The following SCEL variants were observed in gnomAD, a reference collection of about 807,000 sequenced individuals.
The protein encoded by SCEL is sciellin.
In SCEL, 113 loss-of-function variants were observed where a neutral mutation model predicts 117.6. That is an observed-to-expected ratio of 0.96 (90% CI 0.83 to 1.12). SCEL has a LOEUF of 1.12. Among genes scored for constraint, SCEL ranks in the 50% most tolerant of loss-of-function variants. SCEL has a pLI of 0.00. For missense variants in SCEL, 785 were observed against 810.8 expected (o/e 0.97, Z 0.39); for synonymous variants, 270 against 256.2 (o/e 1.05, Z -0.51).
rs1276604267 is a variant in SCEL at position 77,602,699 on chromosome 13, T to C, written c.1023T>C (p.Asn341=). The C allele has an allele frequency of 6.2e-7, 1 of 1,613,682 alleles. No homozygotes were observed. The highest frequency in any genetic ancestry group is 2.2e-5 in the East Asian group (1 of 44,830). ...ESVAKVNARM[N]KTSRRSEDLD... Reference sequence around the variant, plus strand: ...TTGCTAAAGTGAATGCCAGGATGAATAAAACGAGCAGAAGGTGAGAACTGA... The same window carrying C: ...TTGCTAAAGTGAATGCCAGGATGAACAAAACGAGCAGAAGGTGAGAACTGA... Residue 341 remains asparagine (N), a synonymous_variant, in exon 17 of 33, where the codon AAT becomes AAC. Coordinates refer to ENST00000349847, the MANE Select transcript of SCEL (RefSeq NM_144777.3).
chr13:77,627,191 T>G (rs2089783425), intron 27 of SCEL, among the ~76,000 whole-genome samples: 1 of 152,150 alleles, frequency 6.6e-6, no homozygotes, highest in South Asian at 2.1e-4. Context: ...TGATTTCAGG[T>G]GGGCAGATGG....
At chr13:77,579,003 A>T (rs1196194918) in intron 9 of SCEL, among the ~76,000 whole-genome samples, 1 of 152,158 alleles carries the variant, frequency 6.6e-6, no homozygotes, top group Non-Finnish European at 1.5e-5. Context: ...ACTTTGATGT[A>T]TGTCTGTACA....
chr13:77,593,408 C>A, intron 11 of SCEL, 106 bp from the exon 12 acceptor site: 1 of 770,360 alleles, frequency 1.3e-6, no homozygotes, highest in Non-Finnish European at 2.2e-6. Context: ...TTCCTGAACA[C>A]CACCTAGACT....
At chr13:77,597,942 T>C (rs540745641) in intron 13 of SCEL, among the ~76,000 whole-genome samples, 1 of 152,136 alleles carries the variant, frequency 6.6e-6, no homozygotes, top group East Asian at 1.9e-4. Flanking sequence ...AACATTTTAT[T>C]ATCATAGTTA....
chr13:77,587,426 G>T (rs551333301), intron 9 of SCEL, among the ~76,000 whole-genome samples: 2 of 151,996 alleles, frequency 1.3e-5, no homozygotes, highest in African/African-American at 4.8e-5. Context: ...CGATCCATCA[G>T]CCTCGAAGTA....
chr13:77,628,177 T>TAC (rs71706289), intron 28 of SCEL, among the ~76,000 whole-genome samples, 168 bp downstream of exon 28: 22,438 of 148,424 alleles, frequency 0.15, 1,867 homozygotes, highest in African/African-American at 0.17. Context: ...TGTGTATATA[T>TAC]ATATATATAT....
In SCEL at chr13:77,602,695, T is replaced by C; in HGVS notation, c.1019T>C (p.Met340Thr). Residue 340 changes from methionine (M) to threonine (T), a missense_variant, in exon 17 of 33, where the codon ATG becomes ACG. Coordinates refer to ENST00000349847, the MANE Select transcript of SCEL (RefSeq NM_144777.3). ...TCTGTTGCTAAAGTGAATGCCAGGA[T>C]GAATAAAACGAGCAGAAGGTGAGAA... ...LESVAKVNAR[M>T]NKTSRRSEDL... is the part of the protein sequence containing the mutation. 1 of 1,613,770 alleles carries C rather than the reference T, an allele frequency of 6.2e-7. No individual in the cohort carries two copies. Among genetic ancestry groups the C allele is most frequent in the Non-Finnish European group, 8.5e-7 (1 of 1,179,782 alleles).
intron 5 of SCEL, among the ~76,000 whole-genome samples, chr13:77,565,655 G>T (rs888167189): frequency 9.9e-5 from 15 of 152,160 alleles, no homozygotes; most frequent in African/African-American, 3.6e-4. Flanking sequence ...AATATATCTG[G>T]TATGTGTGCA....
In SCEL at chr13:77,621,319, T is replaced by A. The variant is rs56878917; in HGVS notation, c.1628+3259T>A. On this transcript the variant is annotated intron_variant, in intron 27 of 32. Coordinates refer to ENST00000349847, the MANE Select transcript of SCEL (RefSeq NM_144777.3). ...GCATCTATGGGCTTTCCCACTCCCG[T>A]CTATTATCGTTCTCCACCCAAAAGC... is the stretch of plus-strand genomic sequence containing the variant. Among the ~76,000 whole-genome samples, 1,086 of 152,216 alleles carry A rather than the reference T, an allele frequency of 7.1e-3. 14 individuals are homozygous for A. The highest frequency in any genetic ancestry group is 0.025 in the African/African-American group (1,044 of 41,544).
chr13:77,591,119 T>C (rs7982270), intron 10 of SCEL, among the ~76,000 whole-genome samples: 25,343 of 152,096 alleles, frequency 0.17, 3,151 homozygotes, highest in African/African-American at 0.35. Context: ...AAATGCTTTA[T>C]TGATGGAGAA....
At position 77,637,235 on chromosome 13, in the gene SCEL, T is replaced by G. The variant is rs765942109; in HGVS notation, c.1838+41T>G. 21 of 881,236 alleles carry G rather than the reference T, an allele frequency of 2.4e-5. No homozygotes were observed. In the South Asian group the frequency reaches 3.3e-4, roughly 14 times the overall value. 54.6% of individuals were successfully genotyped at this position (881,236 alleles called of 1,614,324 possible). On this transcript the variant is annotated intron_variant, in intron 30 of 32. Coordinates refer to ENST00000349847, the MANE Select transcript of SCEL (RefSeq NM_144777.3). ...TTTCCATACATAAAAAGTACACACATACAGACACACACACACATATATATA... is the reference window on the plus strand; with the variant it reads ...TTTCCATACATAAAAAGTACACACAGACAGACACACACACACATATATATA...
chr13:77,638,255 T>C (rs1214876947), intron 30 of SCEL, among the ~76,000 whole-genome samples: 1 of 152,210 alleles, frequency 6.6e-6, no homozygotes, highest in Non-Finnish European at 1.5e-5. Flanking sequence ...CTTGTCACTT[T>C]TCCAATATTT....
rs1555510789 is a variant in SCEL at position 77,593,296 on chromosome 13, G to GCA, written c.693-218_693-217insCA. 2.4e-3 allele frequency among the ~76,000 whole-genome samples: 127 copies of GCA among 53,616 alleles called. 2 individuals are homozygous for GCA. The highest frequency in any genetic ancestry group is 5.5e-3 in the South Asian group (8 of 1,450). 35.2% of individuals were successfully genotyped at this position (53,616 alleles called of 152,430 possible). A position where few individuals can be genotyped will look rare whatever the true frequency, so the allele number is the denominator to read the frequency against. On this transcript the variant is annotated intron_variant, in intron 11 of 32. Transcript: ENST00000349847. ...TGTGTGTGTGTGTGTGTGTGTGTGT[G>GCA]TCTGTGTGTGTGTGTGTGTGTGTCA...
chr13:77,542,743 T>C (rs996218903), intron 1 of SCEL, among the ~76,000 whole-genome samples: 8 of 152,180 alleles, frequency 5.3e-5, no homozygotes, highest in Non-Finnish European at 1.2e-4. Context: ...TCCCCTTACA[T>C]ATATTTCTTG....
chr13:77,556,087 T>C (rs1405748522), intron 2 of SCEL, among the ~76,000 whole-genome samples, 169 bp downstream of exon 2: 3 of 152,228 alleles, frequency 2.0e-5, no homozygotes, highest in Non-Finnish European at 4.4e-5. Context: ...CAGCTTTTAG[T>C]CATGTAATTG....
chr13:77,586,300 A>G (rs922634014), intron 9 of SCEL, among the ~76,000 whole-genome samples: 1 of 151,970 alleles, frequency 6.6e-6, no homozygotes, highest in African/African-American at 2.4e-5. Flanking sequence ...GTAAATAACC[A>G]CATACCCTAC....
chr13:77,628,243 A>G (rs2154405708), intron 28 of SCEL, among the ~76,000 whole-genome samples: 1 of 151,460 alleles, frequency 6.6e-6, no homozygotes, highest in African/African-American at 2.4e-5. Context: ...GGGAAAAATT[A>G]ATATAATTCT....
intron 18 of SCEL, among the ~76,000 whole-genome samples, chr13:77,603,557 CAG>C (rs1209506660): frequency 4.6e-5 from 7 of 152,294 alleles, no homozygotes; most frequent in South Asian, 2.1e-4. Context: ...CTGGCACACA[CAG>C]GGGGAGTGAG....
intron 9 of SCEL, among the ~76,000 whole-genome samples, chr13:77,574,215 A>G (rs898528276): frequency 1.3e-5 from 2 of 152,262 alleles, no homozygotes; most frequent in African/African-American, 2.4e-5. Flanking sequence ...CATGCTATCA[A>G]TGCCTGTTGA....
Sources: allele counts gnomAD v4.1 joint callset (sites outside exome capture counted in the v4.1 genomes callset), GRCh38; gene constraint gnomAD v4.1.1; transcripts MANE v1.5; gene names NCBI Gene and HGNC (gene_info 2026-07-23, HGNC 2026-07-21).